NDRG2: variants seen among roughly 807,000 people sequenced by gnomAD.
NDRG2 encodes NDRG family member 2.
NDRG2 carries 34 observed loss-of-function variants against 58.2 expected under a neutral mutation model. The ratio of observed to expected loss-of-function variants is 0.58; its 90% CI spans 0.44 to 0.78. NDRG2 has a LOEUF of 0.78. Ranked by LOEUF, NDRG2 falls within the 30% of genes least tolerant of loss-of-function variation. The pLI is 0.00. For missense variants in NDRG2, 434 were observed against 471.2 expected, an observed-to-expected ratio of 0.92 and a Z score of 0.73; for synonymous variants, 187 against 175.9, an observed-to-expected ratio of 1.06 and a Z score of -0.50.
Position 21,070,427 on chromosome 14 carries a change from T to C in NDRG2, c.24+401A>G. 2 of 1,401,412 alleles carry C rather than the reference T, an allele frequency of 1.4e-6. No homozygotes were observed. Among genetic ancestry groups the C allele is most frequent in the Middle Eastern group, 1.9e-4 (1 of 5,368 alleles). The allele number at this position is 1,401,412 out of a possible 1,614,324, so 86.8% of individuals were successfully genotyped here. A position where few individuals can be genotyped will look rare whatever the true frequency, so the allele number is the denominator to read the frequency against. ...GAGTCCAGCGTCGCAGCCCCCTGGG[T>C]CCCCTCGGCCTTCGCGCAGCCCGCT... On this transcript the variant is annotated intron_variant, in intron 1 of 14. Coordinates refer to the NDRG2 transcript ENST00000403829. The surrounding 1 kb of genome is among the most constrained non-coding windows in gnomAD (Gnocchi z 4.7).
At chr14:21,044,511 T>C (rs528004084) in intron 1 of NDRG2, among the ~76,000 whole-genome samples, 15 of 152,284 alleles carry the variant, frequency 9.9e-5, no homozygotes, top group African/African-American at 3.6e-4. Context: ...TTCCTCCTGA[T>C]AATGATCTCC....
At chr14:21,020,450 G>T in intron 8 of NDRG2, 46 bp downstream of exon 8, 1 of 1,503,904 alleles carries the variant, frequency 6.6e-7, no homozygotes, top group South Asian at 1.1e-5. Context: ...GGATCCATAC[G>T]AGGGGATCCC....
chr14:21,062,462 C>G lies in NDRG2; in HGVS notation c.24+8366G>C, dbSNP rs79089132. On this transcript the variant is annotated intron_variant, in intron 1 of 14. Transcript: ENST00000403829. ...TGCTGCCTTCAGTTGGGTTATTTTTCTGACTTGGGAATGGGAGTATTATAT... is the reference window on the plus strand; with the variant it reads ...TGCTGCCTTCAGTTGGGTTATTTTTGTGACTTGGGAATGGGAGTATTATAT... Among the ~76,000 whole-genome samples the G allele has an allele frequency of 2.1e-3, 317 of 152,274 alleles. 2 individuals are homozygous for G. Among genetic ancestry groups the G allele is most frequent in the African/African-American group, 7.1e-3 (296 of 41,550 alleles).
intron 10 of NDRG2, 108 bp from the exon 11 acceptor site, chr14:21,019,268 A>T: frequency 8.8e-7 from 1 of 1,137,334 alleles, no homozygotes; most frequent in African/African-American, 1.6e-5. Context: ...ATTACGGTCA[A>T]ATCTTGGTTA....
intron 5 of NDRG2, 46 bp from the exon 6 acceptor site, chr14:21,021,925 A>AC (rs1354966188): frequency 6.2e-7 from 1 of 1,610,290 alleles, no homozygotes; most frequent in East Asian, 2.2e-5. Context: ...CTGCCCTCAC[A>AC]CCCCCCACCT....
At position 21,018,375 on chromosome 14, in the gene NDRG2, C is replaced by T. The variant is rs1391215468; in HGVS notation, c.861+82G>A. The T allele has an allele frequency of 2.5e-6, 4 of 1,606,092 alleles. No individual in the cohort carries two copies. In the African/African-American group the frequency reaches 4.0e-5, roughly 16 times the overall value. ...GTTCTTCGTTCACCCCATTTGCTCC[C>T]ATGCCGGGCCCTGGAGGCTTAGCAG... On this transcript the variant is annotated intron_variant, in intron 13 of 15. Coordinates refer to ENST00000556147, the MANE Select transcript of NDRG2 (RefSeq NM_001320329.2).
chr14:21,018,095 G>C (rs2138824188), intron 14 of NDRG2, 57 bp from the exon 15 acceptor site: 9 of 1,603,898 alleles, frequency 5.6e-6, no homozygotes, highest in Non-Finnish European at 7.7e-6. Context: ...GGAAGAGCTG[G>C]AGCCTGAGGC....
rs574697341 is a variant in NDRG2 at position 21,070,587 on chromosome 14, G to C, written c.24+241C>G. On this transcript the variant is annotated intron_variant, in intron 1 of 14. Coordinates refer to the NDRG2 transcript ENST00000403829. The surrounding 1 kb of genome is among the most constrained non-coding windows in gnomAD (Gnocchi z 4.7). ...CCGACTGTTTAGCTCTGTCCCCACC[G>C]GGTATTGCCCTCACCCTTTCTTCCT... is the stretch of plus-strand genomic sequence containing the variant. 9.4e-4 allele frequency among the ~76,000 whole-genome samples: 142 copies of C among 151,610 alleles called. No homozygotes were observed. Among genetic ancestry groups the C allele is most frequent in the African/African-American group, 3.3e-3 (138 of 41,252 alleles).
intron 1 of NDRG2, among the ~76,000 whole-genome samples, chr14:21,057,317 T>C (rs893690145): frequency 1.3e-4 from 20 of 151,906 alleles, no homozygotes; most frequent in African/African-American, 4.6e-4. Context: ...ATGCCTGTAA[T>C]CCCAGCTACT....
At chr14:21,057,626 T>TATATATAC (rs1185200533) in intron 1 of NDRG2, among the ~76,000 whole-genome samples, 1 of 147,352 alleles carries the variant, frequency 6.8e-6, no homozygotes, top group Non-Finnish European at 1.5e-5. Flanking sequence ...TTCATATATA[T>TATATATAC]ATATATATAT....
upstream of NDRG2, among the ~76,000 whole-genome samples, chr14:21,028,765 AT>A (rs1316676926): frequency 2.0e-5 from 3 of 152,198 alleles, no homozygotes; most frequent in African/African-American, 4.8e-5. Flanking sequence ...AAAAGAGATC[AT>A]TTAGAAACCA....
At chr14:21,018,278 C>T (rs199831886) in intron 13 of NDRG2, 39 bp from the exon 14 acceptor site, 1 of 1,613,302 alleles carries the variant, frequency 6.2e-7, no homozygotes, top group South Asian at 1.1e-5. Flanking sequence ...GTGAAACACA[C>T]ATAAATGAGC....
chr14:21,040,517 T>A (rs77597289), intron 1 of NDRG2, among the ~76,000 whole-genome samples: 84 of 152,350 alleles, frequency 5.5e-4, no homozygotes, highest in African/African-American at 1.9e-3. Context: ...TCCTTTAAGC[T>A]GACACGTTCT....
At chr14:21,022,724 G>T in intron 3 of NDRG2, 140 bp downstream of exon 3, 1 of 766,636 alleles carries the variant, frequency 1.3e-6, no homozygotes, top group Non-Finnish European at 2.1e-6. Flanking sequence ...AGGAAGGAGA[G>T]GGGAGAGATA....
chr14:21,061,859 T>A (rs953382234), intron 1 of NDRG2, among the ~76,000 whole-genome samples: 1 of 152,236 alleles, frequency 6.6e-6, no homozygotes, highest in Non-Finnish European at 1.5e-5. Flanking sequence ...AGAAATTGAA[T>A]CATCCTATTT....
intron 1 of NDRG2, chr14:21,058,174 A>G (rs1885767989): frequency 6.2e-7 from 1 of 1,613,972 alleles, no homozygotes; most frequent in South Asian, 1.1e-5. Flanking sequence ...ATAGCTGTAA[A>G]AACTGCCACC....
chr14:21,062,708 A>AGTGTGT (rs71416997), intron 1 of NDRG2, among the ~76,000 whole-genome samples: 23,624 of 130,840 alleles, frequency 0.18, 2,207 homozygotes, highest in Middle Eastern at 0.24. Context: ...GGCTGGGCAC[A>AGTGTGT]GTGTGTGTGT....
intron 1 of NDRG2, among the ~76,000 whole-genome samples, chr14:21,068,016 T>C (rs1447039508): frequency 3.7e-5 from 1 of 26,728 alleles, no homozygotes; most frequent in African/African-American, 1.0e-4. Context: ...TTTTTTTTTT[T>C]TGAGACGGAG....
intron 1 of NDRG2, among the ~76,000 whole-genome samples, chr14:21,060,462 G>A (rs1446590706): frequency 6.6e-6 from 1 of 152,150 alleles, no homozygotes; most frequent in Admixed American, 6.5e-5. Flanking sequence ...TCCACTTCCT[G>A]CGGCTGCGCC....
Sources: gnomAD v4.1 joint callset for allele counts (sites outside exome capture counted in the v4.1 genomes callset) on GRCh38, gnomAD v4.1.1 for gene constraint, Gnocchi (gnomAD v3.1) non-coding constraint, MANE v1.5 for transcripts, NCBI Gene and HGNC (gene_info 2026-07-23, HGNC 2026-07-21) for gene names.